Variants in TRAPPC8 observed in about 807,000 individuals in gnomAD.
The protein encoded by TRAPPC8 is trafficking protein particle complex subunit 8.
In TRAPPC8, 54 loss-of-function variants were observed where a neutral mutation model predicts 174.3. That is an observed-to-expected ratio of 0.31 (90% CI 0.25 to 0.39). TRAPPC8 has a LOEUF of 0.39. TRAPPC8 is among the 10% of genes least tolerant of loss of function. The probability of loss-of-function intolerance (pLI) is 1.00; values close to 1 mark genes in which losing one functional copy is unlikely to be tolerated. For missense variants in TRAPPC8, 1,531 were observed against 1,699.1 expected, an observed-to-expected ratio of 0.90 and a Z score of 1.74; for synonymous variants, 630 against 579.9, an observed-to-expected ratio of 1.09 and a Z score of -1.24.
At chr18:31,873,104 G>A (rs926281042) in intron 14 of TRAPPC8, among the ~76,000 whole-genome samples, 4 of 126,306 alleles carry the variant, frequency 3.2e-5, no homozygotes, top group East Asian at 2.8e-4. Flanking sequence ...TGCAACCTCC[G>A]CCTCCCGGGT....
intron 2 of TRAPPC8, among the ~76,000 whole-genome samples, chr18:31,922,909 C>T (rs1317745837): frequency 1.3e-5 from 2 of 151,792 alleles, no homozygotes; most frequent in East Asian, 2.0e-4. Context: ...CCCCGCTACT[C>T]GGGAGGCTGA....
chr18:31,916,292 T>G lies in TRAPPC8; in HGVS notation c.597A>C (p.Val199=). The G allele has an allele frequency of 6.4e-7, 1 of 1,572,228 alleles. No homozygotes were observed. The change falls in exon 4 of 29, where the codon GTA becomes GTC. Residue 199 remains valine (V), a synonymous_variant. Transcript: ENST00000283351. ...TLKYYVLLHD[V]SAGDEQRAES... ...CTTACCTCTGTTCATCTCCTGCACT[T>G]ACATCATGTAAAAGTACATAGTATT...
intron 9 of TRAPPC8, among the ~76,000 whole-genome samples, chr18:31,905,539 T>C (rs543393693): frequency 6.6e-6 from 1 of 152,162 alleles, no homozygotes; most frequent in African/African-American, 2.4e-5. Context: ...TATAAAAAAA[T>C]TATTTTTTAT....
chr18:31,892,263 ATATG>A (rs766134983), intron 11 of TRAPPC8, among the ~76,000 whole-genome samples: 81 of 152,252 alleles, frequency 5.3e-4, no homozygotes, highest in African/African-American at 1.2e-3. Context: ...CCCCTCCTAT[ATATG>A]TATGTGCATG....
At chr18:31,867,601 A>AAC in intron 16 of TRAPPC8, 125 bp from the exon 17 acceptor site, 17 of 634,156 alleles carry the variant, frequency 2.7e-5, no homozygotes, top group South Asian at 1.4e-4. Flanking sequence ...GGTTTTTACC[A>AAC]CATGCTGAGC....
chr18:31,933,598 A>T (rs929926544), intron 1 of TRAPPC8, among the ~76,000 whole-genome samples: 14 of 152,274 alleles, frequency 9.2e-5, no homozygotes, highest in Admixed American at 7.2e-4. Flanking sequence ...CACCTATTTC[A>T]CCTGCACCAT....
At chr18:31,837,803 C>T (rs1054915260) in intron 27 of TRAPPC8, among the ~76,000 whole-genome samples, 1 of 152,108 alleles carries the variant, frequency 6.6e-6, no homozygotes, top group Admixed American at 6.5e-5. Context: ...AACATACTCA[C>T]ATGCAATGAA....
chr18:31,852,391 C>A, intron 24 of TRAPPC8, 55 bp downstream of exon 24: 2 of 1,584,912 alleles, frequency 1.3e-6, no homozygotes, highest in South Asian at 2.3e-5. Flanking sequence ...CAAAAATACC[C>A]AGATATGCTA....
Position 31,873,367 on chromosome 18 carries a change from A to G in TRAPPC8, c.2062+63T>C, listed in dbSNP as rs529306872. ...ACTATACATCGTTTTTTAAATGGAG[A>G]AAGGAAAAGAAGTTTTTTTTAAATT... On this transcript the variant is annotated intron_variant, in intron 14 of 28. Transcript: ENST00000283351. 3.0e-6 allele frequency: 4 copies of G among 1,336,210 alleles called. No homozygotes were observed. In the African/African-American group the frequency reaches 4.4e-5, roughly 15 times the overall value. The allele number at this position is 1,336,210 out of a possible 1,614,324, so 82.8% of individuals were successfully genotyped here.
chr18:31,916,567 C>T (rs1376393266), intron 3 of TRAPPC8, 121 bp from the exon 4 acceptor site: 1 of 1,015,922 alleles, frequency 9.8e-7, no homozygotes, highest in Non-Finnish European at 1.4e-6. Context: ...AAGTCTCACT[C>T]TGTAGCCCAG....
intron 25 of TRAPPC8, 66 bp from the exon 26 acceptor site, chr18:31,846,883 TACTTG>T: frequency 8.8e-7 from 1 of 1,131,442 alleles, no homozygotes; most frequent in East Asian, 2.4e-5. Flanking sequence ...ACCAACCCAA[TACTTG>T]ATAGAAAGTG....
At chr18:31,872,920 G>A (rs148233863) in intron 14 of TRAPPC8, among the ~76,000 whole-genome samples, 53 of 144,802 alleles carry the variant, frequency 3.7e-4, no homozygotes, top group African/African-American at 1.3e-3. Context: ...ATTGTTTTTA[G>A]TTTTTAAAGC....
chr18:31,878,015 C>A (rs910761848), intron 12 of TRAPPC8, among the ~76,000 whole-genome samples: 2 of 151,828 alleles, frequency 1.3e-5, no homozygotes, highest in Non-Finnish European at 2.9e-5. Context: ...AGCATCCGGG[C>A]AACAGAAGGT....
At chr18:31,887,257 T>A (rs1445503387) in intron 12 of TRAPPC8, among the ~76,000 whole-genome samples, 1 of 152,228 alleles carries the variant, frequency 6.6e-6, no homozygotes, top group Admixed American at 6.5e-5. Context: ...CACATGATTA[T>A]CTCAATAGAT....
chr18:31,917,509 T>C (rs1483300140), intron 3 of TRAPPC8, 69 bp downstream of exon 3: 6 of 1,435,212 alleles, frequency 4.2e-6, no homozygotes, highest in Admixed American at 2.1e-5. Flanking sequence ...TTTGCCTTCA[T>C]TAACTATTTC....
chr18:31,848,330 A>G (rs1278785157), intron 25 of TRAPPC8, among the ~76,000 whole-genome samples: 1 of 152,184 alleles, frequency 6.6e-6, no homozygotes, highest in East Asian at 1.9e-4. Flanking sequence ...ATCAAAGAAT[A>G]CCATGCACTT....
rs79865292 is a variant in TRAPPC8 at position 31,909,286 on chromosome 18, G to A, written c.866-276C>T. On this transcript the variant is annotated intron_variant, in intron 6 of 28. Coordinates refer to ENST00000283351, the MANE Select transcript of TRAPPC8 (RefSeq NM_014939.5). ...CTTTATTTTAAATAATATAAAGAAT[G>A]ACTTTTAAATAGTACAACTAAGCCG... Among the ~76,000 whole-genome samples the A allele has an allele frequency of 3.6e-3, 554 of 151,850 alleles. 12 individuals carry two copies. In the East Asian group the frequency reaches 0.054, roughly 15 times the overall value.
At chr18:31,913,709 G>A (rs1215798203) in intron 4 of TRAPPC8, among the ~76,000 whole-genome samples, 187 bp from the exon 5 acceptor site, 1 of 152,186 alleles carries the variant, frequency 6.6e-6, no homozygotes, top group African/African-American at 2.4e-5. Context: ...ACCTAAAAGC[G>A]AAAACAAAAA....
chr18:31,899,058 A>C, intron 10 of TRAPPC8, among the ~76,000 whole-genome samples: 1 of 152,076 alleles, frequency 6.6e-6, no homozygotes, highest in African/African-American at 2.4e-5. Context: ...TACAAATCAC[A>C]CCTTTTCTTG....
Sources: allele counts gnomAD v4.1 joint callset (sites outside exome capture counted in the v4.1 genomes callset), GRCh38; gene constraint gnomAD v4.1.1; transcripts MANE v1.5; gene names NCBI Gene and HGNC (gene_info 2026-07-23, HGNC 2026-07-21).